The following FHOD3 variants were observed in gnomAD, a reference collection of about 807,000 sequenced individuals.
The protein encoded by FHOD3 is formin homology 2 domain containing 3.
A neutral mutation model predicts 173.0 loss-of-function variants in FHOD3; 90 were observed. The ratio of observed to expected loss-of-function variants is 0.52; its 90% CI spans 0.44 to 0.62. The LOEUF (loss-of-function observed/expected upper bound fraction) is 0.62. Ranked by LOEUF, FHOD3 falls within the 20% of genes least tolerant of loss-of-function variation. The pLI, the probability that FHOD3 is intolerant of heterozygous loss-of-function variation, is 0.00. For synonymous variants in FHOD3, 828 were observed against 823.0 expected, an observed-to-expected ratio of 1.01 and a Z score of -0.10; for missense variants, 1,945 against 2,034.7, an observed-to-expected ratio of 0.96 and a Z score of 0.85.
chr18:36,340,594 T>TA (rs61684915), intron 1 of FHOD3, among the ~76,000 whole-genome samples: 2 of 151,284 alleles, frequency 1.3e-5, no homozygotes, highest in Non-Finnish European at 2.9e-5. Context: ...TTTTTTTTTT[T>TA]CCCTCTGGTT....
intron 16 of FHOD3, among the ~76,000 whole-genome samples, chr18:36,692,087 A>G (rs59759595): frequency 0.024 from 3,714 of 152,326 alleles, 159 homozygotes; most frequent in African/African-American, 0.085. Flanking sequence ...TGTGGTCCGA[A>G]GGGTGGACTG....
intron 6 of FHOD3, among the ~76,000 whole-genome samples, chr18:36,593,264 G>A (rs960461101): frequency 3.3e-5 from 5 of 152,194 alleles, no homozygotes; most frequent in African/African-American, 1.2e-4. Context: ...TCATATTGGG[G>A]TGATGAGTCA....
chr18:36,564,857 TAGAG>T (rs996642214), intron 5 of FHOD3, among the ~76,000 whole-genome samples: 1 of 152,042 alleles, frequency 6.6e-6, no homozygotes, highest in South Asian at 2.1e-4. Context: ...CATTCTAAGG[TAGAG>T]AGAGGGTAGT....
At chr18:36,735,601 T>C (rs2041590653) in intron 20 of FHOD3, among the ~76,000 whole-genome samples, 1 of 152,180 alleles carries the variant, frequency 6.6e-6, no homozygotes, top group African/African-American at 2.4e-5. Flanking sequence ...CAATGAATAA[T>C]CATAAGAATG....
chr18:36,390,352 C>CT (rs1290641987), intron 3 of FHOD3, among the ~76,000 whole-genome samples: 1 of 152,074 alleles, frequency 6.6e-6, no homozygotes, highest in Admixed American at 6.6e-5. Flanking sequence ...GAGCTTTGTT[C>CT]TTTTTAAGGC....
chr18:36,752,872 A>G (rs187993090), intron 24 of FHOD3, among the ~76,000 whole-genome samples: 149 of 152,286 alleles, frequency 9.8e-4, no homozygotes, highest in African/African-American at 3.3e-3. Flanking sequence ...AGGCTGATGG[A>G]TTCTCCCCTC....
intron 7 of FHOD3, among the ~76,000 whole-genome samples, chr18:36,598,024 A>G (rs2148416871): frequency 6.6e-6 from 1 of 152,310 alleles, no homozygotes; most frequent in African/African-American, 2.4e-5. Flanking sequence ...GCAGAGAGCA[A>G]CATTACTTCC....
intron 9 of FHOD3, among the ~76,000 whole-genome samples, chr18:36,619,193 C>T (rs1321933277): frequency 6.6e-6 from 1 of 152,154 alleles, no homozygotes; most frequent in African/African-American, 2.4e-5. Flanking sequence ...TCTGTACCTG[C>T]CCCCAAAGAA....
intron 17 of FHOD3, among the ~76,000 whole-genome samples, chr18:36,708,558 C>A (rs149511744): frequency 1.3e-4 from 20 of 152,338 alleles, no homozygotes; most frequent in African/African-American, 4.8e-4. Flanking sequence ...TCCACTGCCA[C>A]AAGGCTGGAA....
intron 14 of FHOD3, among the ~76,000 whole-genome samples, chr18:36,662,649 G>A (rs1402087623): frequency 6.6e-6 from 1 of 152,128 alleles, no homozygotes. Flanking sequence ...ACAACATCTT[G>A]TTAGGGAGTA....
chr18:36,512,562 T>G lies in FHOD3; in HGVS notation c.511+19T>G. 2 of 1,547,722 alleles carry G rather than the reference T, an allele frequency of 1.3e-6. No homozygotes were observed. The highest frequency in any genetic ancestry group is 3.4e-4 in the Middle Eastern group (2 of 5,944). On this transcript the variant is annotated intron_variant, in intron 5 of 28. Transcript: ENST00000590592. ...TTAAGGGGTAAGTCATGACTGGGCA[T>G]GCAGCAGCTGCCCCAGCTGCAGGGG...
chr18:36,521,802 T>C (rs1347325013), intron 5 of FHOD3, among the ~76,000 whole-genome samples: 2 of 152,196 alleles, frequency 1.3e-5, no homozygotes, highest in Non-Finnish European at 2.9e-5. Context: ...CCAGGCCTTC[T>C]GTGTGGGTAG....
At chr18:36,368,232 C>G (rs1031278182) in intron 2 of FHOD3, among the ~76,000 whole-genome samples, 4 of 152,078 alleles carry the variant, frequency 2.6e-5, no homozygotes, top group Non-Finnish European at 2.9e-5. Context: ...GCTGGAAATG[C>G]AGGTAGGATT....
chr18:36,372,556 T>C (rs866578997), intron 2 of FHOD3, 124 bp from the exon 3 acceptor site: 4 of 654,366 alleles, frequency 6.1e-6, no homozygotes, highest in Middle Eastern at 5.3e-4. Flanking sequence ...TTATTCAGTG[T>C]GGGTCTCTGC....
At chr18:36,535,302 T>G (rs1057494347) in intron 5 of FHOD3, among the ~76,000 whole-genome samples, 1 of 152,222 alleles carries the variant, frequency 6.6e-6, no homozygotes, top group African/African-American at 2.4e-5. Context: ...ACTGAGGTTC[T>G]TCACCCTGTC....
rs117373887 is a variant in FHOD3 at position 36,492,547 on chromosome 18, C to T, written c.338-9385C>T. ...CTGTTTTCATTTACAATTATAACCT[C>T]ATGCTCAGCATAGCACCTACCTAGT... On this transcript the variant is annotated intron_variant, in intron 3 of 28. Coordinates refer to ENST00000590592, the MANE Select transcript of FHOD3 (RefSeq NM_001281740.3). 6.0e-3 allele frequency among the ~76,000 whole-genome samples: 918 copies of T among 152,284 alleles called. 9 individuals carry two copies. The highest frequency in any genetic ancestry group is 9.3e-3 in the Non-Finnish European group (633 of 68,014).
At chr18:36,502,401 C>T (rs2055085540) in intron 4 of FHOD3, among the ~76,000 whole-genome samples, 1 of 152,240 alleles carries the variant, frequency 6.6e-6, no homozygotes, top group East Asian at 1.9e-4. Context: ...CTTCCCTAGC[C>T]CCCTACCCAC....
chr18:36,746,594 A>G (rs1218167919), intron 23 of FHOD3, among the ~76,000 whole-genome samples: 1 of 152,184 alleles, frequency 6.6e-6, no homozygotes, highest in Non-Finnish European at 1.5e-5. Flanking sequence ...TCGCTGAAGA[A>G]TAAGAGTGCT....
chr18:36,577,029 G>A (rs2058680268), intron 6 of FHOD3, among the ~76,000 whole-genome samples: 1 of 151,688 alleles, frequency 6.6e-6, no homozygotes, highest in Admixed American at 6.6e-5. Context: ...GGAGGCAGAG[G>A]TTGCAGTGAG....
Sources: gnomAD v4.1 joint callset for allele counts (sites outside exome capture counted in the v4.1 genomes callset) on GRCh38, gnomAD v4.1.1 for gene constraint, MANE v1.5 for transcripts, NCBI Gene and HGNC (gene_info 2026-07-23, HGNC 2026-07-21) for gene names.